PEAK1: variants seen among roughly 807,000 people sequenced by gnomAD.
The protein encoded by PEAK1 is pseudopodium enriched atypical kinase 1.
A neutral mutation model predicts 124.7 loss-of-function variants in PEAK1; 54 were observed. The ratio of observed to expected loss-of-function variants is 0.43; its 90% CI spans 0.35 to 0.54. The LOEUF (loss-of-function observed/expected upper bound fraction) is 0.54. Ranked by LOEUF, PEAK1 falls within the 20% of genes least tolerant of loss-of-function variation. The pLI is 0.01. For missense variants in PEAK1, 2,046 were observed against 2,134.5 expected (o/e 0.96, Z 0.82); for synonymous variants, 719 against 760.0 (o/e 0.95, Z 0.89).
intron 8 of PEAK1, among the ~76,000 whole-genome samples, chr15:77,149,789 A>C (rs529239963): frequency 6.6e-6 from 1 of 151,720 alleles, no homozygotes; most frequent in East Asian, 1.9e-4. Context: ...TCCCTTTGTC[A>C]CCCAGGCTGC....
intron 6 of PEAK1, among the ~76,000 whole-genome samples, chr15:77,212,462 A>C (rs2058948677): frequency 6.6e-6 from 1 of 152,234 alleles, no homozygotes; most frequent in Non-Finnish European, 1.5e-5. Context: ...GAAAAAAGGT[A>C]AGTCAGTCTC....
rs751990565 is a variant in PEAK1 at position 77,179,914 on chromosome 15, T to G, written c.2013A>C (p.Glu671Asp). 5 of 1,614,028 alleles carry G rather than the reference T, an allele frequency of 3.1e-6. No individual in the cohort carries two copies. In the Admixed American group the frequency reaches 8.3e-5, roughly 27 times the overall value. ...ISHTYEEIET[E>D]SKVPDNTTSK... ...TAGTGGTGTTATCAGGCACTTTGCT[T>G]TCTGTTTCTATTTCTTCATAAGTAT... Residue 671 changes from glutamate to aspartate, a missense_variant, in exon 7 of 10, where the codon GAA becomes GAC. By Grantham distance (45) the Glu-to-Asp change is conservative. Coordinates refer to ENST00000682557, the MANE Select transcript of PEAK1 (RefSeq NM_001385026.1).
At chr15:77,378,385 A>C (rs1016696148) in intron 1 of PEAK1, among the ~76,000 whole-genome samples, 3 of 152,060 alleles carry the variant, frequency 2.0e-5, no homozygotes, top group Non-Finnish European at 2.9e-5. Flanking sequence ...AGCAAAATGA[A>C]ATGATCGTCA....
chr15:77,374,198 T>C (rs1212631889), intron 1 of PEAK1, among the ~76,000 whole-genome samples: 2 of 152,164 alleles, frequency 1.3e-5, no homozygotes, highest in Non-Finnish European at 1.5e-5. Context: ...AGCACAGTGA[T>C]TAATTCAAAT....
chr15:77,296,337 C>T (rs554102448), intron 2 of PEAK1, among the ~76,000 whole-genome samples: 6 of 150,216 alleles, frequency 4.0e-5, no homozygotes, highest in Middle Eastern at 3.4e-3. Flanking sequence ...TGGGACCAGG[C>T]GAGGTGGCTC....
chr15:77,115,914 T>C (rs770638713), intron 9 of PEAK1, among the ~76,000 whole-genome samples: 2 of 152,214 alleles, frequency 1.3e-5, no homozygotes, highest in African/African-American at 2.4e-5. Context: ...CTGGCACTCA[T>C]GGTTCACTGG....
chr15:77,208,956 C>G (rs1363644702), intron 6 of PEAK1, among the ~76,000 whole-genome samples: 1 of 152,138 alleles, frequency 6.6e-6, no homozygotes, highest in African/African-American at 2.4e-5. Context: ...GGGTTTCTTT[C>G]CATTGTACTA....
rs143204009 is a variant in PEAK1 at position 77,402,112 on chromosome 15, T to C, written c.-666+17894A>G. Reference sequence around the variant, plus strand: ...TACTATGGTGGCTGAGACGGGATAATTGTTTCAACCCGGGAGGCAGAGGTT... The same window carrying C: ...TACTATGGTGGCTGAGACGGGATAACTGTTTCAACCCGGGAGGCAGAGGTT... On this transcript the variant is annotated intron_variant, in intron 1 of 9. Transcript: ENST00000682557. The C allele has an allele frequency of 3.7e-3, 3,376 of 902,068 alleles. 9 individuals are homozygous for C. The highest frequency in any genetic ancestry group is 4.1e-3 in the Non-Finnish European group (3,130 of 756,628). The allele number at this position is 902,068 out of a possible 1,614,324, so 55.9% of individuals were successfully genotyped here.
intron 2 of PEAK1, among the ~76,000 whole-genome samples, chr15:77,316,687 C>T (rs185582791): frequency 2.0e-5 from 3 of 152,196 alleles, no homozygotes; most frequent in Non-Finnish European, 2.9e-5. Context: ...TAATAGCTGA[C>T]GAAATGAATG....
At chr15:77,301,165 CTCTCTTAGAAG>C (rs2063765390) in intron 2 of PEAK1, among the ~76,000 whole-genome samples, 1 of 152,194 alleles carries the variant, frequency 6.6e-6, no homozygotes, top group Admixed American at 6.5e-5. Flanking sequence ...CAGGGCTGCA[CTCTCTTAGAAG>C]TCTCTAGGGG....
intron 5 of PEAK1, among the ~76,000 whole-genome samples, chr15:77,256,040 A>G (rs1401535390): frequency 6.6e-6 from 1 of 152,210 alleles, no homozygotes. Context: ...AGGTGGGGAT[A>G]GCATGAAGTT....
At position 77,133,049 on chromosome 15, in the gene PEAK1, T is replaced by G; in HGVS notation, c.4033A>C (p.Thr1345Pro). ...CCEAGDAVYY[T>P]ASYAKDPLNN... ...AGTGGATCTTTTGCATATGAAGCAG[T>G]ATAGTAAACCGCATCACCTGCCTCA... The change falls in exon 9 of 10, where the codon ACT becomes CCT. Residue 1345 changes from threonine to proline, a missense_variant. Thr to Pro is a conservative substitution (Grantham distance 38). Coordinates refer to ENST00000682557, the MANE Select transcript of PEAK1 (RefSeq NM_001385026.1). This position sits in a 1 kb window ranked among gnomAD's most constrained non-coding sequence, Gnocchi z 4.2. 1 of 1,614,062 alleles carries G rather than the reference T, an allele frequency of 6.2e-7. No individual in the cohort carries two copies.
upstream of PEAK1, chr15:77,420,216 C>G (rs945054618): frequency 2.0e-5 from 3 of 150,648 alleles, no homozygotes; most frequent in African/African-American, 7.3e-5. Flanking sequence ...CGCGCGCCGC[C>G]CCTCCGCGCG....
intron 1 of PEAK1, among the ~76,000 whole-genome samples, chr15:77,411,982 C>T (rs1049623430): frequency 2.0e-5 from 3 of 152,150 alleles, no homozygotes; most frequent in Admixed American, 1.3e-4. Flanking sequence ...TGTAATTTGT[C>T]TTATAAATTT....
At chr15:77,337,373 GAAAT>G in intron 2 of PEAK1, 1 of 947,798 alleles carries the variant, frequency 1.1e-6, no homozygotes, top group Admixed American at 6.2e-5. Flanking sequence ...TAAAAATCAA[GAAAT>G]AATCATTGAA....
chr15:77,282,160 T>TA (rs1413837503), intron 5 of PEAK1, among the ~76,000 whole-genome samples: 1 of 152,136 alleles, frequency 6.6e-6, no homozygotes. Context: ...AATATACACA[T>TA]ACATACATAT....
chr15:77,267,861 A>G (rs192337189), intron 5 of PEAK1, among the ~76,000 whole-genome samples: 129 of 152,334 alleles, frequency 8.5e-4, no homozygotes, highest in African/African-American at 3.0e-3. Context: ...GAACCAGGAA[A>G]AAAAATCTCT....
intron 6 of PEAK1, among the ~76,000 whole-genome samples, chr15:77,214,191 A>G (rs2059034844): frequency 6.6e-6 from 1 of 152,108 alleles, no homozygotes; most frequent in African/African-American, 2.4e-5. Context: ...ATCATGAATA[A>G]TATTATTATA....
chr15:77,160,188 TG>T (rs986282922), intron 7 of PEAK1, among the ~76,000 whole-genome samples: 1 of 151,898 alleles, frequency 6.6e-6, no homozygotes, highest in African/African-American at 2.4e-5. Flanking sequence ...CAAGATAACA[TG>T]GGGGATCTAT....
Sources: gnomAD v4.1 joint callset for allele counts (sites outside exome capture counted in the v4.1 genomes callset) on GRCh38, gnomAD v4.1.1 for gene constraint, Gnocchi (gnomAD v3.1) non-coding constraint, MANE v1.5 for transcripts, NCBI Gene and HGNC (gene_info 2026-07-23, HGNC 2026-07-21) for gene names.